ANKRD52: variants seen among roughly 807,000 people sequenced by gnomAD.
ANKRD52 encodes serine/threonine-protein phosphatase 6 regulatory ankyrin repeat subunit C.
A neutral mutation model predicts 116.0 loss-of-function variants in ANKRD52; 7 were observed. That is an observed-to-expected ratio of 0.06 (90% CI 0.03 to 0.11). ANKRD52 has a LOEUF of 0.11. Ranked by LOEUF, ANKRD52 falls within the 10% of genes least tolerant of loss-of-function variation. ANKRD52 has a pLI of 1.00. For synonymous variants in ANKRD52, 528 were observed against 578.1 expected (o/e 0.91, Z 1.24); for missense variants, 839 against 1,408.6 (o/e 0.60, Z 6.47).
chr12:56,252,099 G>A lies in ANKRD52; in HGVS notation c.1512-4C>T, dbSNP rs1333401968. 1.9e-6 allele frequency: 3 copies of A among 1,613,838 alleles called. No individual in the cohort carries two copies. The highest frequency in any genetic ancestry group is 8.5e-7 in the Non-Finnish European group (1 of 1,179,878). ...GGAAGGTGTATGGGGTTCCGCTCTG[G>A]GGAAGAGAGAGAGAAAGTTAGGGCC... On this transcript the variant is annotated splice_polypyrimidine_tract_variant and splice_region_variant and intron_variant, in intron 14 of 27. Transcript: ENST00000267116. The surrounding 1 kb of genome is among the most constrained non-coding windows in gnomAD (Gnocchi z 4.7).
chr12:56,248,724 G>T lies in ANKRD52; in HGVS notation c.1704+35C>A. On this transcript the variant is annotated intron_variant, in intron 16 of 27. Transcript: ENST00000267116. This position sits in a 1 kb window ranked among gnomAD's most constrained non-coding sequence, Gnocchi z 5.1. Reference sequence around the variant, plus strand: ...TCCACAAACCCTGTGCCCTGCCCCTGCCTCCCCTCCTGCAGGCCGGGCCCC... The same window carrying T: ...TCCACAAACCCTGTGCCCTGCCCCTTCCTCCCCTCCTGCAGGCCGGGCCCC... 6.4e-7 allele frequency: 1 copy of T among 1,563,310 alleles called. No individual in the cohort carries two copies. Among genetic ancestry groups the T allele is most frequent in the Non-Finnish European group, 8.7e-7 (1 of 1,145,466 alleles).
rs1028222695 is a variant in ANKRD52 at position 56,243,101 on chromosome 12, T to C, written c.*41A>G. The C allele has an allele frequency of 1.9e-6, 3 of 1,539,206 alleles. No individual in the cohort carries two copies. Among genetic ancestry groups the C allele is most frequent in the Non-Finnish European group, 2.6e-6 (3 of 1,145,054 alleles). ...TAGACTTTTTCTAAATAAATAGAAT[T>C]AGATATCAAGCCACCGGCGGGGGAG... On this transcript the variant is annotated 3_prime_UTR_variant, in exon 28 of 28. Transcript: ENST00000267116. The surrounding 1 kb of genome is among the most constrained non-coding windows in gnomAD (Gnocchi z 4.6).
chr12:56,253,932 T>G lies in ANKRD52; in HGVS notation c.907-132A>C. 7.5e-7 allele frequency: 1 copy of G among 1,334,152 alleles called. No homozygotes were observed. The highest frequency in any genetic ancestry group is 1.0e-6 in the Non-Finnish European group (1 of 955,824). The allele number at this position is 1,334,152 out of a possible 1,614,324, so 82.6% of individuals were successfully genotyped here. A position where few individuals can be genotyped will look rare whatever the true frequency, so the allele number is the denominator to read the frequency against. On this transcript the variant is annotated intron_variant, in intron 8 of 27. Coordinates refer to ENST00000267116, the MANE Select transcript of ANKRD52 (RefSeq NM_173595.4). The surrounding 1 kb of genome is among the most constrained non-coding windows in gnomAD (Gnocchi z 5.5). ...TATGGCACCTTCTTAGCCCACTCTT[T>G]CCTGAGTCCCTGGCAAGGTCTGATT...
At chr12:56,256,777 AG>A (rs1158388931) in intron 4 of ANKRD52, among the ~76,000 whole-genome samples, 1 of 152,208 alleles carries the variant, frequency 6.6e-6, no homozygotes, top group Non-Finnish European at 1.5e-5. Context: ...GCCTGGCAGC[AG>A]GGCCCCCGCA....
At chr12:56,256,027 G>A in intron 4 of ANKRD52, 43 bp from the exon 5 acceptor site, 1 of 1,526,886 alleles carries the variant, frequency 6.5e-7, no homozygotes, top group South Asian at 1.2e-5. Context: ...GGAGCAGGAG[G>A]TAAAACAACA....
chr12:56,243,858 G>T lies in ANKRD52; in HGVS notation c.2907C>A (p.Ala969=). The change falls in exon 27 of 28, where the codon GCC becomes GCA. Residue 969 remains alanine, a synonymous_variant. Transcript: ENST00000267116. This position sits in a 1 kb window ranked among gnomAD's most constrained non-coding sequence, Gnocchi z 4.6. ...SALQMPLHIA[A]RNGLASVVQA... is the part of the protein sequence containing the mutation. ...GTACCACAGAAGCTAGACCATTCCG[G>T]GCAGCAATGTGGAGTGGCCTTGGAA... 1 of 1,566,114 alleles carries T rather than the reference G, an allele frequency of 6.4e-7. No individual in the cohort carries two copies. Among genetic ancestry groups the T allele is most frequent in the Non-Finnish European group, 8.7e-7 (1 of 1,155,108 alleles).
rs374132135 is a variant in ANKRD52, at chr12:56,254,816, A to T, written c.550+49T>A. 3.1e-6 allele frequency: 5 copies of T among 1,604,072 alleles called. No homozygotes were observed. In the African/African-American group the frequency reaches 6.7e-5, roughly 21 times the overall value. On this transcript the variant is annotated intron_variant, in intron 6 of 27. Transcript: ENST00000267116. The surrounding 1 kb of genome is among the most constrained non-coding windows in gnomAD (Gnocchi z 4.6). ...GGCTGCAACCCCACATCCCTGCCCT[A>T]GGAATCCTAAATGTCAAATTTCTGA...
chr12:56,252,679 T>C lies in ANKRD52; in HGVS notation c.1301+101A>G. 1.3e-6 allele frequency: 2 copies of C among 1,539,234 alleles called. No homozygotes were observed. Among genetic ancestry groups the C allele is most frequent in the Non-Finnish European group, 1.8e-6 (2 of 1,115,508 alleles). On this transcript the variant is annotated intron_variant, in intron 12 of 27. Transcript: ENST00000267116. The surrounding 1 kb of genome is among the most constrained non-coding windows in gnomAD (Gnocchi z 4.7). Reference sequence around the variant, plus strand: ...CAAGCCCTTTCTGCTGTGACTGCTTTCATTGTGAGAGGGGGAATAGATCTG... The same window carrying C: ...CAAGCCCTTTCTGCTGTGACTGCTTCCATTGTGAGAGGGGGAATAGATCTG...
chr12:56,243,104 A>G lies in ANKRD52; in HGVS notation c.*38T>C. 1 of 1,547,736 alleles carries G rather than the reference A, an allele frequency of 6.5e-7. No individual in the cohort carries two copies. The highest frequency in any genetic ancestry group is 8.7e-7 in the Non-Finnish European group (1 of 1,148,930). On this transcript the variant is annotated 3_prime_UTR_variant, in exon 28 of 28. Transcript: ENST00000267116. The surrounding 1 kb of genome is among the most constrained non-coding windows in gnomAD (Gnocchi z 4.6). ...ACTTTTTCTAAATAAATAGAATTAG[A>G]TATCAAGCCACCGGCGGGGGAGGGA...
chr12:56,251,610 C>G (rs1871695715), intron 15 of ANKRD52, among the ~76,000 whole-genome samples: 1 of 151,904 alleles, frequency 6.6e-6, no homozygotes, highest in East Asian at 1.9e-4. Context: ...TTAATTAATG[C>G]TTGTGGAATA....
chr12:56,254,120 C>T lies in ANKRD52; in HGVS notation c.853G>A (p.Gly285Ser). ...PLHVAAVSTN[G>S]ALCLELLVNN... ...ACCAGTAGCTCCAAGCAGAGAGCGC[C>T]ATTGGTGGAGACTGCAGCCACATGC... The change falls in exon 8 of 28, where the codon GGC (glycine) becomes AGC (serine). Residue 285 changes from glycine to serine, a missense_variant. Around this residue, in one of 2 missense-constraint regions of ANKRD52, gnomAD observed 287 missense variants for 598.1 expected, o/e 0.48. Transcript: ENST00000267116. This position sits in a 1 kb window ranked among gnomAD's most constrained non-coding sequence, Gnocchi z 4.6. 1 of 1,613,854 alleles carries T rather than the reference C, an allele frequency of 6.2e-7. No homozygotes were observed. The highest frequency in any genetic ancestry group is 8.5e-7 in the Non-Finnish European group (1 of 1,179,876).
At position 56,239,098 on chromosome 12, in the gene ANKRD52, T is replaced by G. The variant is rs1156734527; in HGVS notation, c.*4044A>C. 6.6e-6 allele frequency: 1 copy of G among 152,328 alleles called. No homozygotes were observed. The highest frequency in any genetic ancestry group is 1.5e-5 in the Non-Finnish European group (1 of 68,122). 9.4% of individuals were successfully genotyped at this position (152,328 alleles called of 1,614,324 possible). A position where few individuals can be genotyped will look rare whatever the true frequency, so the allele number is the denominator to read the frequency against. ...TGACAGTGTCCCCCTCACACCTAAG[T>G]GGGCAACAGCAGCCTTGGAGTCAGT... is the stretch of plus-strand genomic sequence containing the variant. On this transcript the variant is annotated 3_prime_UTR_variant, in exon 28 of 28. Coordinates refer to ENST00000267116, the MANE Select transcript of ANKRD52 (RefSeq NM_173595.4).
rs1378968244 is a variant in ANKRD52, at chr12:56,248,957, G to A, written c.1593-87C>T. On this transcript the variant is annotated intron_variant, in intron 15 of 27. Transcript: ENST00000267116. The surrounding 1 kb of genome is among the most constrained non-coding windows in gnomAD (Gnocchi z 5.1). ...GGGAGGGCCAGAGGAGAGGACCAAGGCCCTCCAGGCCTACCTGGCCGCCAC... is the reference window on the plus strand; with the variant it reads ...GGGAGGGCCAGAGGAGAGGACCAAGACCCTCCAGGCCTACCTGGCCGCCAC... The A allele has an allele frequency of 3.3e-6, 3 of 911,922 alleles. No individual in the cohort carries two copies. Among genetic ancestry groups the A allele is most frequent in the Non-Finnish European group, 4.9e-6 (3 of 612,532 alleles). The allele number at this position is 911,922 out of a possible 1,614,324, so 56.5% of individuals were successfully genotyped here. A position where few individuals can be genotyped will look rare whatever the true frequency, so the allele number is the denominator to read the frequency against.
Position 56,242,807 on chromosome 12 carries a change from G to A in ANKRD52, c.*335C>T. The A allele has an allele frequency of 3.3e-6, 1 of 305,818 alleles. No individual in the cohort carries two copies. Among genetic ancestry groups the A allele is most frequent in the Non-Finnish European group, 6.1e-6 (1 of 163,196 alleles). 18.9% of individuals were successfully genotyped at this position (305,818 alleles called of 1,614,324 possible). A position where few individuals can be genotyped will look rare whatever the true frequency, so the allele number is the denominator to read the frequency against. ...AGGGGGACACAGAGAGGAGTCCCCAGGGAAGAGTCGGGGGAGCTGGCAGCA... is the reference window on the plus strand; with the variant it reads ...AGGGGGACACAGAGAGGAGTCCCCAAGGAAGAGTCGGGGGAGCTGGCAGCA... On this transcript the variant is annotated 3_prime_UTR_variant, in exon 28 of 28. Coordinates refer to ENST00000267116, the MANE Select transcript of ANKRD52 (RefSeq NM_173595.4). This position sits in a 1 kb window ranked among gnomAD's most constrained non-coding sequence, Gnocchi z 4.3.
chr12:56,238,435 T>A lies in ANKRD52; in HGVS notation c.*4707A>T, dbSNP rs1257567482. On this transcript the variant is annotated 3_prime_UTR_variant, in exon 28 of 28. Transcript: ENST00000267116. ...GTACCAGACGGAGAACACCCCTGAA[T>A]ATACATAGCTGTACATGGGGAACCC... The A allele has an allele frequency of 6.6e-6, 1 of 152,206 alleles. No individual in the cohort carries two copies. Among genetic ancestry groups the A allele is most frequent in the Non-Finnish European group, 1.5e-5 (1 of 68,084 alleles). The allele number at this position is 152,206 out of a possible 1,614,324, so 9.4% of individuals were successfully genotyped here.
rs1871816190 is a variant in ANKRD52 at position 56,253,879 on chromosome 12, G to A, written c.907-79C>T. The A allele has an allele frequency of 5.4e-6, 8 of 1,492,138 alleles. No individual in the cohort carries two copies. The highest frequency in any genetic ancestry group is 1.4e-5 in the African/African-American group (1 of 71,834). 92.4% of individuals were successfully genotyped at this position (1,492,138 alleles called of 1,614,324 possible). ...AGAGAATGCCCTACCTCCCTTCCAA[G>A]GACATATCTCTAAGGACAAAAGGGT... is the stretch of plus-strand genomic sequence containing the variant. On this transcript the variant is annotated intron_variant, in intron 8 of 27. Coordinates refer to ENST00000267116, the MANE Select transcript of ANKRD52 (RefSeq NM_173595.4). This position sits in a 1 kb window ranked among gnomAD's most constrained non-coding sequence, Gnocchi z 5.5.
At chr12:56,258,011 C>T (rs1172684260) in intron 1 of ANKRD52, 100 bp from the exon 2 acceptor site, 7 of 1,315,722 alleles carry the variant, frequency 5.3e-6, no homozygotes, top group Non-Finnish European at 7.5e-6. Context: ...GGGGGGCGTC[C>T]GTGGAGGGGC....
rs973620236 is a variant in ANKRD52 at position 56,240,103 on chromosome 12, C to G, written c.*3039G>C. 4 of 152,208 alleles carry G rather than the reference C, an allele frequency of 2.6e-5. No individual in the cohort carries two copies. The highest frequency in any genetic ancestry group is 1.3e-4 in the Admixed American group (2 of 15,276). The allele number at this position is 152,208 out of a possible 1,614,324, so 9.4% of individuals were successfully genotyped here. A position where few individuals can be genotyped will look rare whatever the true frequency, so the allele number is the denominator to read the frequency against. ...GGGCTGTACATTCAGTGGTTTTCAG[C>G]AGTCCTATGGCTCAGGGGGCCACGG... On this transcript the variant is annotated 3_prime_UTR_variant, in exon 28 of 28. Coordinates refer to ENST00000267116, the MANE Select transcript of ANKRD52 (RefSeq NM_173595.4). The surrounding 1 kb of genome is among the most constrained non-coding windows in gnomAD (Gnocchi z 4.2).
In ANKRD52 at chr12:56,256,114, A is replaced by G. The variant is rs1871940521; in HGVS notation, c.262-130T>C. ...CACAGAATCTCTTCTCATTTTTCCAACATACCTAGCCTCTGAATACCTACT... is the reference window on the plus strand; with the variant it reads ...CACAGAATCTCTTCTCATTTTTCCAGCATACCTAGCCTCTGAATACCTACT... On this transcript the variant is annotated intron_variant, in intron 4 of 27. Coordinates refer to ENST00000267116, the MANE Select transcript of ANKRD52 (RefSeq NM_173595.4). The G allele has an allele frequency of 3.3e-6, 3 of 914,288 alleles. No individual in the cohort carries two copies. In the Admixed American group the frequency reaches 7.5e-5, roughly 23 times the overall value. The allele number at this position is 914,288 out of a possible 1,614,324, so 56.6% of individuals were successfully genotyped here.
Sources: gnomAD v4.1 joint callset for allele counts (sites outside exome capture counted in the v4.1 genomes callset) on GRCh38, gnomAD v4.1.1 for gene constraint, gnomAD v4.1.1 regional missense constraint, Gnocchi (gnomAD v3.1) non-coding constraint, MANE v1.5 for transcripts, NCBI Gene and HGNC (gene_info 2026-07-23, HGNC 2026-07-21) for gene names.